NT5DC3: variants seen among roughly 807,000 people sequenced by gnomAD.
NT5DC3 encodes 5'-nucleotidase domain containing 3.
Under a neutral mutation model 67.8 loss-of-function variants are expected in NT5DC3, and 42 were observed. The observed-to-expected ratio is 0.62, with a 90% CI of 0.48 to 0.80. The LOEUF (loss-of-function observed/expected upper bound fraction) is 0.80. Among genes scored for constraint, NT5DC3 ranks in the 30% least tolerant of loss-of-function variants. The pLI is 0.00. For synonymous variants in NT5DC3, 237 were observed against 255.6 expected (o/e 0.93, Z 0.69); for missense variants, 570 against 696.4 (o/e 0.82, Z 2.04).
At chr12:103,786,972 C>T (rs547003894) in intron 11 of NT5DC3, among the ~76,000 whole-genome samples, 1 of 152,252 alleles carries the variant, frequency 6.6e-6, no homozygotes, top group East Asian at 1.9e-4. Context: ...TGTGAGCCAC[C>T]ATGCCCAGCC....
At chr12:103,798,912 T>G (rs1410137374) in intron 4 of NT5DC3, among the ~76,000 whole-genome samples, 1 of 152,250 alleles carries the variant, frequency 6.6e-6, no homozygotes, top group Non-Finnish European at 1.5e-5. Context: ...TTACATGGCA[T>G]GTACTATAGG....
chr12:103,835,095 A>G (rs547634926), intron 1 of NT5DC3, among the ~76,000 whole-genome samples: 3 of 152,256 alleles, frequency 2.0e-5, no homozygotes, highest in East Asian at 3.9e-4. Context: ...TCCATGCAAC[A>G]CTGGTCCCCA....
chr12:103,765,772 G>A (rs1487670093), downstream of NT5DC3, among the ~76,000 whole-genome samples: 1 of 108,630 alleles, frequency 9.2e-6, no homozygotes, highest in East Asian at 4.7e-4. Context: ...GAACTCCTGA[G>A]CTCAAGTGAT....
At position 103,772,318 on chromosome 12, in the gene NT5DC3, A is replaced by C. The variant is rs11612164; in HGVS notation, c.*5511T>G. Reference sequence around the variant, plus strand: ...GACAATAAACCAGATGATACAATTCAAACTTTTATTTGGCAATAAGTTCAG... The same window carrying C: ...GACAATAAACCAGATGATACAATTCCAACTTTTATTTGGCAATAAGTTCAG... On this transcript the variant is annotated 3_prime_UTR_variant, in exon 14 of 14. Coordinates refer to ENST00000392876, the MANE Select transcript of NT5DC3 (RefSeq NM_001031701.3). 0.18 allele frequency: 27,144 copies of C among 152,404 alleles called. 2,899 individuals are homozygous for C. The highest frequency in any genetic ancestry group is 0.44 in the East Asian group (2,291 of 5,168). 9.4% of individuals were successfully genotyped at this position (152,404 alleles called of 1,614,324 possible).
the NT5DC3 span, chr12:103,755,675 T>C: frequency 6.2e-7 from 1 of 1,614,072 alleles, no homozygotes; most frequent in Non-Finnish European, 8.5e-7. Flanking sequence ...GGGAACCTGC[T>C]GCAGGTCCTG....
At position 103,780,190 on chromosome 12, in the gene NT5DC3, A is replaced by T. The variant is rs560557365; in HGVS notation, c.1394+110T>A. ...GGAGGCAGACATACCTGGGAGCTAAAATAGGATGTTTCAACATTATGCCTC... is the reference window on the plus strand; with the variant it reads ...GGAGGCAGACATACCTGGGAGCTAATATAGGATGTTTCAACATTATGCCTC... On this transcript the variant is annotated intron_variant, in intron 13 of 13. Coordinates refer to ENST00000392876, the MANE Select transcript of NT5DC3 (RefSeq NM_001031701.3). The T allele has an allele frequency of 1.5e-4, 131 of 902,440 alleles. No homozygotes were observed. In the African/African-American group the frequency reaches 2.0e-3, roughly 13 times the overall value. 55.9% of individuals were successfully genotyped at this position (902,440 alleles called of 1,614,324 possible).
At chr12:103,753,949 C>T in the NT5DC3 span, among the ~76,000 whole-genome samples, 44 of 152,142 alleles carry the variant, frequency 2.9e-4, no homozygotes, top group Admixed American at 2.8e-3. Flanking sequence ...AGGAAGGAAA[C>T]GGAGCTCTTT....
the NT5DC3 span, chr12:103,748,871 C>T: frequency 3.4e-4 from 468 of 1,368,352 alleles, no homozygotes; most frequent in African/African-American, 6.1e-3. Flanking sequence ...ACTCACCCAA[C>T]ACCACTAGTG....
intron 1 of NT5DC3, among the ~76,000 whole-genome samples, chr12:103,826,258 C>G (rs577095748): frequency 1.3e-5 from 2 of 152,196 alleles, no homozygotes; most frequent in Non-Finnish European, 2.9e-5. Context: ...CCAAAGATAT[C>G]CACGTCCTAA....
chr12:103,758,061 C>A, the NT5DC3 span: 1 of 1,510,920 alleles, frequency 6.6e-7, no homozygotes, highest in Non-Finnish European at 8.9e-7. Flanking sequence ...GCTGAGTTGG[C>A]TCACACCATG....
chr12:103,761,531 C>CCAGCCTG, the NT5DC3 span: 1 of 855,974 alleles, frequency 1.2e-6, no homozygotes. Context: ...GGAGGAGCCT[C>CCAGCCTG]CAGCCTCCAA....
chr12:103,766,047 A>AGTT (rs1300534842), downstream of NT5DC3: 13 of 663,668 alleles, frequency 2.0e-5, no homozygotes, highest in African/African-American at 2.3e-4. Context: ...ACTGCAGCCG[A>AGTT]GTTGGGATGA....
intron 2 of NT5DC3, among the ~76,000 whole-genome samples, chr12:103,807,953 C>T (rs1016616392): frequency 2.0e-5 from 3 of 152,148 alleles, no homozygotes; most frequent in East Asian, 1.9e-4. Context: ...ATAAATTACC[C>T]GGCCTTGGGT....
intron 10 of NT5DC3, 96 bp downstream of exon 10, chr12:103,788,742 G>C (rs1204728520): frequency 4.9e-6 from 4 of 816,028 alleles, no homozygotes; most frequent in Non-Finnish European, 8.8e-6. Flanking sequence ...TCAGAACTGT[G>C]CCAGGCATAC....
At chr12:103,801,697 T>A (rs549716489) in intron 4 of NT5DC3, among the ~76,000 whole-genome samples, 19 of 152,212 alleles carry the variant, frequency 1.2e-4, no homozygotes, top group East Asian at 9.7e-4. Flanking sequence ...GCATTTTTTT[T>A]AAATGTATTT....
chr12:103,771,979 A>C (rs1885194988), downstream of NT5DC3, among the ~76,000 whole-genome samples: 3 of 152,154 alleles, frequency 2.0e-5, no homozygotes, highest in South Asian at 6.2e-4. Flanking sequence ...AGGTGATCGA[A>C]GGGAGGAAAA....
At chr12:103,746,971 T>TC in the NT5DC3 span, among the ~76,000 whole-genome samples, 923 of 120,294 alleles carry the variant, frequency 7.7e-3, 18 homozygotes, top group East Asian at 0.056. Flanking sequence ...TTTTTTTTTT[T>TC]CCGAGATGGA....
chr12:103,824,945 A>C (rs534585483), intron 1 of NT5DC3, among the ~76,000 whole-genome samples: 1 of 152,236 alleles, frequency 6.6e-6, no homozygotes, highest in Admixed American at 6.5e-5. Flanking sequence ...TACCATATCT[A>C]CAATGTGCCA....
the NT5DC3 span, chr12:103,755,732 C>T: frequency 6.2e-7 from 1 of 1,613,532 alleles, no homozygotes; most frequent in Non-Finnish European, 8.5e-7. Flanking sequence ...TGTACCATGT[C>T]TGCTTGGTTT....
Sources: allele counts gnomAD v4.1 joint callset (sites outside exome capture counted in the v4.1 genomes callset), GRCh38; gene constraint gnomAD v4.1.1; transcripts MANE v1.5; gene names NCBI Gene and HGNC (gene_info 2026-07-23, HGNC 2026-07-21).